The following ZNF503 variants were observed in gnomAD, a reference collection of about 807,000 sequenced individuals.
The protein encoded by ZNF503 is zinc finger protein 503.
In ZNF503, 15 loss-of-function variants were observed where a neutral mutation model predicts 34.4. The ratio of observed to expected loss-of-function variants is 0.44; its 90% CI spans 0.29 to 0.67. The LOEUF (loss-of-function observed/expected upper bound fraction) is 0.67. Ranked by LOEUF, ZNF503 falls within the 30% of genes least tolerant of loss-of-function variation. The pLI is 0.13. For missense variants in ZNF503, 1,007 were observed against 926.8 expected, an observed-to-expected ratio of 1.09 and a Z score of -1.12; for synonymous variants, 580 against 456.8, an observed-to-expected ratio of 1.27 and a Z score of -3.44.
the ZNF503 span, among the ~76,000 whole-genome samples, chr10:75,335,478 A>G: frequency 6.6e-6 from 1 of 152,236 alleles, no homozygotes; most frequent in Non-Finnish European, 1.5e-5. Context: ...CAGGCCAATT[A>G]CATTAGAATT....
downstream of ZNF503, among the ~76,000 whole-genome samples, chr10:75,396,655 G>A (rs1256782349): frequency 2.0e-5 from 3 of 152,138 alleles, no homozygotes; most frequent in Admixed American, 6.5e-5. This position sits in a 1 kb window ranked among gnomAD's most constrained non-coding sequence, Gnocchi z 4.4. Context: ...CCCGAGACTC[G>A]GAGAAACCGG....
Position 75,398,820 on chromosome 10 carries a change from C to T in ZNF503, c.1870G>A (p.Gly624Arg), listed in dbSNP as rs866525016. The T allele has an allele frequency of 6.7e-7, 1 of 1,498,518 alleles. No homozygotes were observed. The highest frequency in any genetic ancestry group is 8.8e-7 in the Non-Finnish European group (1 of 1,130,134). The allele number at this position is 1,498,518 out of a possible 1,614,324, so 92.8% of individuals were successfully genotyped here. The change falls in exon 2 of 2, where the codon GGA becomes AGA. Residue 624 changes from glycine to arginine, a missense_variant. By Grantham distance (125) the Gly-to-Arg change is moderately radical. Coordinates refer to ENST00000372524, the MANE Select transcript of ZNF503 (RefSeq NM_032772.6). The stretch of plus-strand genomic sequence containing the variant: ...AGGGCGTAGGGGGAGTAGTACGGTC[C>T]GGTGGCGGCGGGCACCGGCACGGGG... Reference protein sequence around the residue: ...GAPVPVPAATGPYYSPYALYG... With the variant: ...GAPVPVPAATRPYYSPYALYG...
the ZNF503 span, among the ~76,000 whole-genome samples, chr10:75,350,670 G>A: frequency 3.3e-5 from 5 of 151,914 alleles, no homozygotes; most frequent in South Asian, 2.1e-4. Flanking sequence ...GCCTCAGCCT[G>A]CTAAGTAGCT....
At chr10:75,354,932 G>A in the ZNF503 span, among the ~76,000 whole-genome samples, 1 of 152,122 alleles carries the variant, frequency 6.6e-6, no homozygotes, top group African/African-American at 2.4e-5. Flanking sequence ...TGCAACCTCT[G>A]CCTCCCAGGT....
At chr10:75,300,704 C>CTTTTTTTTTTTTTTTTT in the ZNF503 span, among the ~76,000 whole-genome samples, 1 of 108,752 alleles carries the variant, frequency 9.2e-6, no homozygotes. Context: ...TTCTTTCTTT[C>CTTTTTTTTTTTTTTTTT]TTTTTTTTTT....
At chr10:75,293,327 T>C in the ZNF503 span, among the ~76,000 whole-genome samples, 1 of 152,046 alleles carries the variant, frequency 6.6e-6, no homozygotes, top group Non-Finnish European at 1.5e-5. Context: ...GGCAAGGTCA[T>C]TGTGGGCCAG....
At chr10:75,344,973 G>A in the ZNF503 span, among the ~76,000 whole-genome samples, 2 of 152,240 alleles carry the variant, frequency 1.3e-5, no homozygotes, top group Non-Finnish European at 2.9e-5. Context: ...CCCATGTCAT[G>A]AAGAAAGTTT....
In ZNF503 at chr10:75,397,883, G is replaced by C. The variant is rs955922226; in HGVS notation, c.*866C>G. ...TATACGGAATTTTAATCTTTAAAGCGATACATTGTCTATTATTTTAGTACA... is the reference window on the plus strand; with the variant it reads ...TATACGGAATTTTAATCTTTAAAGCCATACATTGTCTATTATTTTAGTACA... On this transcript the variant is annotated 3_prime_UTR_variant, in exon 2 of 2. Coordinates refer to ENST00000372524, the MANE Select transcript of ZNF503 (RefSeq NM_032772.6). The C allele has an allele frequency of 6.6e-6, 1 of 152,640 alleles. No homozygotes were observed. Among genetic ancestry groups the C allele is most frequent in the Non-Finnish European group, 1.5e-5 (1 of 68,040 alleles). The allele number at this position is 152,640 out of a possible 1,614,324, so 9.5% of individuals were successfully genotyped here.
the ZNF503 span, among the ~76,000 whole-genome samples, chr10:75,376,427 T>C: frequency 6.6e-6 from 1 of 152,156 alleles, no homozygotes; most frequent in Non-Finnish European, 1.5e-5. Flanking sequence ...GCGGATCACT[T>C]GAGGTCAGGA....
chr10:75,308,268 G>A, the ZNF503 span, among the ~76,000 whole-genome samples: 4 of 143,248 alleles, frequency 2.8e-5, no homozygotes, highest in African/African-American at 1.1e-4. Context: ...TTACAGCATA[G>A]TTTACTGAAT....
the ZNF503 span, among the ~76,000 whole-genome samples, chr10:75,323,991 C>CAAA: frequency 9.3e-5 from 4 of 42,796 alleles, no homozygotes; most frequent in Non-Finnish European, 1.6e-4. Context: ...AACTCCGTCT[C>CAAA]AAAAAAAAAA....
chr10:75,327,694 G>A, the ZNF503 span, among the ~76,000 whole-genome samples: 4 of 152,092 alleles, frequency 2.6e-5, no homozygotes, highest in African/African-American at 9.7e-5. Context: ...CATAATGGCT[G>A]TCCTAATTTA....
chr10:75,389,892 TTTTTTA>T, the ZNF503 span, among the ~76,000 whole-genome samples: 1 of 152,114 alleles, frequency 6.6e-6, no homozygotes, highest in Non-Finnish European at 1.5e-5. Flanking sequence ...CTGTATTCAG[TTTTTTA>T]TTTTTATTTT....
At chr10:75,385,823 C>T in the ZNF503 span, among the ~76,000 whole-genome samples, 1 of 152,180 alleles carries the variant, frequency 6.6e-6, no homozygotes, top group Admixed American at 6.5e-5. Context: ...AAACCTTCCT[C>T]ATAAGTTTCA....
At chr10:75,297,808 G>C in the ZNF503 span, among the ~76,000 whole-genome samples, 1 of 152,132 alleles carries the variant, frequency 6.6e-6, no homozygotes, top group Non-Finnish European at 1.5e-5. Flanking sequence ...CCCATAAAGA[G>C]GTGAAGAAAC....
At chr10:75,312,453 CA>C in the ZNF503 span, among the ~76,000 whole-genome samples, 3 of 151,974 alleles carry the variant, frequency 2.0e-5, no homozygotes, top group South Asian at 6.2e-4. Context: ...ACTAAAAAAT[CA>C]AAAATGAGCA....
chr10:75,354,293 G>C, the ZNF503 span, among the ~76,000 whole-genome samples: 5 of 152,218 alleles, frequency 3.3e-5, no homozygotes, highest in Admixed American at 3.3e-4. Flanking sequence ...TGATTAAAAA[G>C]GCAGTTGGGC....
chr10:75,284,248 T>G, the ZNF503 span, among the ~76,000 whole-genome samples: 1 of 152,266 alleles, frequency 6.6e-6, no homozygotes, highest in East Asian at 1.9e-4. Context: ...CTGACATACC[T>G]TCTGCAAATG....
the ZNF503 span, among the ~76,000 whole-genome samples, chr10:75,386,870 C>G: frequency 6.6e-6 from 1 of 152,314 alleles, no homozygotes. Flanking sequence ...CATGTTTCTA[C>G]TGGAGTTCAT....
Sources: allele counts gnomAD v4.1 joint callset (sites outside exome capture counted in the v4.1 genomes callset), GRCh38; gene constraint gnomAD v4.1.1; non-coding constraint Gnocchi (gnomAD v3.1); transcripts MANE v1.5; gene names NCBI Gene and HGNC (gene_info 2026-07-23, HGNC 2026-07-21).